Variants in EXOC4 observed in about 807,000 individuals in gnomAD.
EXOC4 encodes the protein SEC8-like 1.
A neutral mutation model predicts 107.2 loss-of-function variants in EXOC4; 71 were observed. That is an observed-to-expected ratio of 0.66 (90% CI 0.55 to 0.81). The LOEUF is 0.81. Ranked by LOEUF, EXOC4 falls within the 30% of genes least tolerant of loss-of-function variation. EXOC4 has a pLI of 0.00. For synonymous variants in EXOC4, 456 were observed against 441.2 expected (o/e 1.03, Z -0.42); for missense variants, 1,108 against 1,189.6 (o/e 0.93, Z 1.01).
At chr7:134,077,617 C>G in the EXOC4 span, among the ~76,000 whole-genome samples, 1 of 152,200 alleles carries the variant, frequency 6.6e-6, no homozygotes. Context: ...AAGACCGCAC[C>G]TGAATTTTAT....
intron 17 of EXOC4, among the ~76,000 whole-genome samples, chr7:134,038,719 G>A (rs1054157009): frequency 1.3e-5 from 2 of 152,060 alleles, no homozygotes; most frequent in African/African-American, 2.4e-5. Flanking sequence ...GAGAGTGCTT[G>A]AGGCCTAGAC....
the EXOC4 span, among the ~76,000 whole-genome samples, chr7:134,079,293 G>A: frequency 1.3e-5 from 2 of 152,154 alleles, no homozygotes; most frequent in African/African-American, 2.4e-5. Context: ...TGTTCTGTCA[G>A]CAGGATCAGA....
chr7:133,647,199 C>T (rs2909225), intron 10 of EXOC4, among the ~76,000 whole-genome samples: 64,919 of 151,938 alleles, frequency 0.43, 14,774 homozygotes, highest in Admixed American at 0.56. Flanking sequence ...TATTTTGGAT[C>T]ATATACAAGA....
At chr7:134,025,399 G>T (rs1795117824) in intron 17 of EXOC4, among the ~76,000 whole-genome samples, 1 of 150,956 alleles carries the variant, frequency 6.6e-6, no homozygotes, top group Non-Finnish European at 1.5e-5. Flanking sequence ...TTAGTTATTG[G>T]ATCTACACAT....
At chr7:133,802,670 C>G (rs1796972998) in intron 10 of EXOC4, among the ~76,000 whole-genome samples, 1 of 151,382 alleles carries the variant, frequency 6.6e-6, no homozygotes, top group African/African-American at 2.4e-5. Flanking sequence ...AGCAGCCTGC[C>G]CAACATGGCT....
chr7:133,926,336 A>T (rs1800052068), intron 13 of EXOC4, among the ~76,000 whole-genome samples: 1 of 152,112 alleles, frequency 6.6e-6, no homozygotes, highest in Non-Finnish European at 1.5e-5. Flanking sequence ...GAATTTGTGG[A>T]TTTTGACATT....
At chr7:133,481,057 G>GAAAAAAAAAAAA (rs10686907) in intron 9 of EXOC4, 1 of 142,396 alleles carries the variant, frequency 7.0e-6, no homozygotes, top group Non-Finnish European at 1.5e-5. Flanking sequence ...CTCAAAAAAA[G>GAAAAAAAAAAAA]AAAAAAAAAA....
intron 10 of EXOC4, among the ~76,000 whole-genome samples, chr7:133,785,756 T>C (rs1179328628): frequency 2.0e-5 from 3 of 151,854 alleles, no homozygotes; most frequent in Non-Finnish European, 4.4e-5. Flanking sequence ...CACTGCAAGC[T>C]CTGTCTCCCG....
At chr7:133,545,421 T>C (rs1800461497) in intron 9 of EXOC4, among the ~76,000 whole-genome samples, 1 of 152,180 alleles carries the variant, frequency 6.6e-6, no homozygotes, top group African/African-American at 2.4e-5. Flanking sequence ...TTAGTATTTT[T>C]GAGATATCAA....
In EXOC4 at chr7:133,509,506, G is replaced by C. The variant is rs1376967257; in HGVS notation, c.1417+29368G>C. Among the ~76,000 whole-genome samples the C allele has an allele frequency of 2.0e-5, 3 of 152,014 alleles. 1 individual carries two copies. Among genetic ancestry groups the C allele is most frequent in the Non-Finnish European group, 4.4e-5 (3 of 68,002 alleles). On this transcript the variant is annotated intron_variant, in intron 9 of 17. Transcript: ENST00000253861. Reference sequence around the variant, plus strand: ...TTCCTTAAAGAAGGCTCAGCTGGAAGGTTCTCTTTTATAACCCTTCCTCTT... The same window carrying C: ...TTCCTTAAAGAAGGCTCAGCTGGAACGTTCTCTTTTATAACCCTTCCTCTT...
chr7:134,080,389 C>T, the EXOC4 span, among the ~76,000 whole-genome samples: 721 of 150,700 alleles, frequency 4.8e-3, 6 homozygotes, highest in Non-Finnish European at 8.8e-3. Flanking sequence ...AATTCAGTGG[C>T]GAGTAGGAGA....
intron 10 of EXOC4, among the ~76,000 whole-genome samples, chr7:133,803,382 C>T (rs559141733): frequency 6.6e-6 from 1 of 152,246 alleles, no homozygotes; most frequent in East Asian, 1.9e-4. Flanking sequence ...CAAACCATTT[C>T]TACAGGCTTT....
chr7:133,332,244 A>G (rs1584821497), intron 5 of EXOC4, among the ~76,000 whole-genome samples: 1 of 152,328 alleles, frequency 6.6e-6, no homozygotes, highest in East Asian at 1.9e-4. Context: ...GTAAAAACCT[A>G]AAGAGAACAC....
chr7:133,253,464 T>C (rs1351024430), intron 1 of EXOC4: 1 of 1,184,290 alleles, frequency 8.4e-7, no homozygotes, highest in East Asian at 4.0e-5. Context: ...GCACGCTATT[T>C]GGGTTTGGTA....
intron 10 of EXOC4, among the ~76,000 whole-genome samples, chr7:133,658,194 G>A (rs557590546): frequency 6.6e-6 from 1 of 152,198 alleles, no homozygotes; most frequent in South Asian, 2.1e-4. Context: ...GAGAGCGAGA[G>A]AGATCCCAAT....
chr7:133,538,884 G>GA lies in EXOC4; in HGVS notation c.1417+58746_1417+58747insA, dbSNP rs1584985210. 2.8e-4 allele frequency among the ~76,000 whole-genome samples: 14 copies of GA among 50,222 alleles called. No individual in the cohort carries two copies. In the East Asian group the frequency reaches 6.3e-3, roughly 23 times the overall value. 32.9% of individuals were successfully genotyped at this position (50,222 alleles called of 152,430 possible). A position where few individuals can be genotyped will look rare whatever the true frequency, so the allele number is the denominator to read the frequency against. On this transcript the variant is annotated intron_variant, in intron 9 of 17. Transcript: ENST00000253861. ...GAGAGAGAGAGAGAGAGAGAGAGAG[G>GA]GAGGGAGGGAGGGAGGGAAGGAAGG...
At chr7:133,743,763 C>T (rs1187468354) in intron 10 of EXOC4, among the ~76,000 whole-genome samples, 1 of 152,142 alleles carries the variant, frequency 6.6e-6, no homozygotes, top group Non-Finnish European at 1.5e-5. Flanking sequence ...AAGCCACACA[C>T]ATTGTGTGAA....
intron 10 of EXOC4, among the ~76,000 whole-genome samples, chr7:133,649,604 CA>C (rs1484156730): frequency 6.6e-6 from 1 of 151,804 alleles, no homozygotes; most frequent in Non-Finnish European, 1.5e-5. Context: ...ATGTAAACCT[CA>C]CTAATACTTT....
intron 9 of EXOC4, chr7:133,576,679 T>G: frequency 7.8e-7 from 1 of 1,289,678 alleles, no homozygotes; most frequent in East Asian, 5.6e-5. Context: ...AAGTGAGCAA[T>G]GGGAGCCGTG....
Sources: gnomAD v4.1 joint callset for allele counts (sites outside exome capture counted in the v4.1 genomes callset) on GRCh38, gnomAD v4.1.1 for gene constraint, MANE v1.5 for transcripts, NCBI Gene and HGNC (gene_info 2026-07-23, HGNC 2026-07-21) for gene names.